CATSPERE: variants seen among roughly 807,000 people sequenced by gnomAD.
CATSPERE encodes catsper channel auxiliary subunit epsilon, also known as cation channel sperm-associated auxiliary subunit epsilon.
In CATSPERE, 93 loss-of-function variants were observed where a neutral mutation model predicts 114.1. The ratio of observed to expected loss-of-function variants is 0.81; its 90% confidence interval spans 0.69 to 0.97. The LOEUF (loss-of-function observed/expected upper bound fraction) is 0.97. Among genes scored for constraint, CATSPERE ranks in the 50% least tolerant of loss-of-function variants. CATSPERE has a pLI of 0.00. For synonymous variants in CATSPERE, 341 were observed against 384.1 expected, an observed-to-expected ratio of 0.89 and a Z score of 1.31; for missense variants, 1,058 against 1,131.6, an observed-to-expected ratio of 0.93 and a Z score of 0.93.
chr1:244,535,400 C>A (rs1680235321), intron 8 of CATSPERE, among the ~76,000 whole-genome samples: 1 of 152,166 alleles, frequency 6.6e-6, no homozygotes, highest in Non-Finnish European at 1.5e-5. Context: ...GGAGCCAAAG[C>A]CTGGAGTCAG....
intron 18 of CATSPERE, among the ~76,000 whole-genome samples, chr1:244,609,553 G>A (rs867910997): frequency 1.3e-5 from 2 of 152,052 alleles, no homozygotes; most frequent in South Asian, 4.1e-4. Context: ...GTTTCACTGT[G>A]TTGGCCAGGC....
chr1:244,499,857 C>A (rs930573055), intron 7 of CATSPERE, among the ~76,000 whole-genome samples: 4 of 152,068 alleles, frequency 2.6e-5, no homozygotes, highest in African/African-American at 9.7e-5. Context: ...GGGTTATATA[C>A]CCACTAATGG....
At chr1:244,458,404 G>A (rs182370807), upstream of CATSPERE, among the ~76,000 whole-genome samples, 108 of 151,972 alleles carry the variant, frequency 7.1e-4, 1 homozygote, top group African/African-American at 2.5e-3. Flanking sequence ...AGTGGGTGTA[G>A]GCTTTTGCCA....
intron 8 of CATSPERE, among the ~76,000 whole-genome samples, chr1:244,535,579 A>G (rs1216747939): frequency 1.3e-5 from 2 of 152,156 alleles, no homozygotes; most frequent in Non-Finnish European, 2.9e-5. Flanking sequence ...GCTACCATTA[A>G]TGTTCACTTA....
intron 10 of CATSPERE, among the ~76,000 whole-genome samples, chr1:244,571,787 G>A (rs919126744): frequency 2.6e-5 from 4 of 152,226 alleles, no homozygotes; most frequent in Non-Finnish European, 4.4e-5. Context: ...GACAGTCGCC[G>A]TCTTGCTGTG....
intron 14 of CATSPERE, 104 bp from the exon 15 acceptor site, chr1:244,591,577 C>T (rs374970051): frequency 2.3e-5 from 15 of 641,350 alleles, no homozygotes; most frequent in Admixed American, 6.4e-5. Context: ...AATGATGATT[C>T]TCTGACACTC....
At position 244,639,903 on chromosome 1, in the gene CATSPERE, CTTTTT is replaced by C. The variant is rs10572994; in HGVS notation, c.2703-15_2703-11del. ...AAGTGTGAACAATGACTTCTAATGC[CTTTTT>C]TTTTTTTTTCTGATTTCAGTCCAAG... On this transcript the variant is annotated intron_variant, in intron 21 of 21. Transcript: ENST00000366534. 6 of 1,363,880 alleles carry C rather than the reference CTTTTT, an allele frequency of 4.4e-6. No individual in the cohort carries two copies. The highest frequency in any genetic ancestry group is 2.9e-6 in the Non-Finnish European group (3 of 1,020,988). The allele number at this position is 1,363,880 out of a possible 1,614,324, so 84.5% of individuals were successfully genotyped here. A position where few individuals can be genotyped will look rare whatever the true frequency, so the allele number is the denominator to read the frequency against.
intron 7 of CATSPERE, among the ~76,000 whole-genome samples, chr1:244,501,601 A>C (rs1674042216): frequency 6.6e-6 from 1 of 152,240 alleles, no homozygotes; most frequent in Admixed American, 6.5e-5. Flanking sequence ...TCTGGTAATC[A>C]ACTTTAGAGG....
chr1:244,569,651 ATTC>A (rs2148566494), intron 10 of CATSPERE, among the ~76,000 whole-genome samples: 1 of 152,260 alleles, frequency 6.6e-6, no homozygotes, highest in Admixed American at 6.5e-5. Flanking sequence ...TATTTTCATT[ATTC>A]TTATAATTCT....
chr1:244,529,659 T>A (rs1385849053), intron 8 of CATSPERE, among the ~76,000 whole-genome samples: 3 of 152,020 alleles, frequency 2.0e-5, no homozygotes, highest in African/African-American at 7.2e-5. Context: ...GTGCGGAAGC[T>A]TTTTATTTTA....
chr1:244,522,889 C>T (rs1251687091), intron 8 of CATSPERE, among the ~76,000 whole-genome samples: 3 of 152,124 alleles, frequency 2.0e-5, no homozygotes, highest in South Asian at 2.1e-4. Flanking sequence ...GATTCACAGC[C>T]GAATTCTACC....
intron 10 of CATSPERE, among the ~76,000 whole-genome samples, chr1:244,566,661 T>A (rs1321458584): frequency 2.8e-5 from 3 of 105,524 alleles, no homozygotes; most frequent in African/African-American, 1.0e-4. Flanking sequence ...GCTTTTTTTT[T>A]TTTTTTTTTT....
intron 8 of CATSPERE, among the ~76,000 whole-genome samples, chr1:244,545,809 G>A (rs1190800559): frequency 6.6e-6 from 1 of 152,146 alleles, no homozygotes; most frequent in African/African-American, 2.4e-5. Context: ...GCCCTAACAG[G>A]CCCTCAAGTG....
At chr1:244,601,998 A>T (rs1037993465) in intron 17 of CATSPERE, among the ~76,000 whole-genome samples, 1 of 151,124 alleles carries the variant, frequency 6.6e-6, no homozygotes. Flanking sequence ...GAAGGAGAAG[A>T]AGGGGAAGGG....
chr1:244,501,240 C>T (rs775507781), intron 7 of CATSPERE, among the ~76,000 whole-genome samples: 5 of 152,142 alleles, frequency 3.3e-5, no homozygotes, highest in Non-Finnish European at 5.9e-5. Flanking sequence ...CTTGAGCATC[C>T]ATATCAAAAC....
chr1:244,553,840 T>C (rs957569438), intron 9 of CATSPERE, among the ~76,000 whole-genome samples: 107 of 152,226 alleles, frequency 7.0e-4, no homozygotes, highest in Non-Finnish European at 1.1e-3. Flanking sequence ...ACCCCTCTCC[T>C]TCCCAGACTC....
Position 244,552,489 on chromosome 1 carries a change from G to A in CATSPERE, c.704G>A (p.Arg235His). ...GGTTATTTACCAATCTCCTCACCAC[G>A]TGGTAGTCAATTAATGGCTTCCTGG... ...IPGYLPISSPRGSQLMASWDA... is the reference protein window; with the variant it reads ...IPGYLPISSPHGSQLMASWDA... The change falls in exon 9 of 22, where the codon CGT (arginine) becomes CAT (histidine). Residue 235 changes from arginine (R) to histidine (H), a missense_variant. By Grantham distance (29) the Arg-to-His change is conservative. Transcript: ENST00000366534. The A allele has an allele frequency of 1.9e-6, 3 of 1,614,134 alleles. No individual in the cohort carries two copies. The highest frequency in any genetic ancestry group is 1.1e-5 in the South Asian group (1 of 91,078).
intron 5 of CATSPERE, among the ~76,000 whole-genome samples, chr1:244,490,200 G>A (rs759967185): frequency 6.6e-6 from 1 of 152,066 alleles, no homozygotes. Flanking sequence ...TGATGTTATT[G>A]AGGCAGGAAG....
rs115064256 is a variant in CATSPERE, at chr1:244,461,964, C to T, written c.65+470C>T. ...AAATAGCTGTGACAACAGGCACGCG[C>T]CACCACGCTTGGCTAAATTAAAAAA... On this transcript the variant is annotated intron_variant, in intron 1 of 21. Coordinates refer to ENST00000366534, the MANE Select transcript of CATSPERE (RefSeq NM_001130957.2). Among the ~76,000 whole-genome samples, 853 of 152,204 alleles carry T rather than the reference C, an allele frequency of 5.6e-3. 10 individuals are homozygous for T. Among genetic ancestry groups the T allele is most frequent in the African/African-American group, 0.02 (811 of 41,530 alleles).
Sources: gnomAD v4.1 joint callset for allele counts (sites outside exome capture counted in the v4.1 genomes callset) on GRCh38, gnomAD v4.1.1 for gene constraint, MANE v1.5 for transcripts, NCBI Gene and HGNC (gene_info 2026-07-23, HGNC 2026-07-21) for gene names.